The following MUC22 variants were observed in gnomAD, a reference collection of about 807,000 sequenced individuals.
MUC22 encodes the protein mucin-22.
In MUC22, 24 loss-of-function variants were observed where a neutral mutation model predicts 40.3. The ratio of observed to expected loss-of-function variants is 0.60; its 90% CI spans 0.43 to 0.84. The LOEUF (loss-of-function observed/expected upper bound fraction) is 0.84, where lower values mean the gene tolerates loss of function less well. MUC22 is among the 40% of genes least tolerant of loss of function. MUC22 has a pLI of 0.00. For missense variants in MUC22, 1,926 were observed against 2,130.7 expected (o/e 0.90, Z 1.89); for synonymous variants, 765 against 844.5 (o/e 0.91, Z 1.63).
intron 1 of MUC22, among the ~76,000 whole-genome samples, chr6:31,013,726 C>T (rs1764004538): frequency 6.6e-6 from 1 of 152,196 alleles, no homozygotes; most frequent in African/African-American, 2.4e-5. Flanking sequence ...TGCAGAGACA[C>T]CATCATAGCT....
At chr6:31,006,955 C>A (rs61112106), upstream of MUC22, among the ~76,000 whole-genome samples, 1 of 151,670 alleles carries the variant, frequency 6.6e-6, no homozygotes, top group African/African-American at 2.4e-5. Flanking sequence ...TCAACACCAG[C>A]CTGAGCAATA....
rs1765305504 is a variant in MUC22 at position 31,026,198 on chromosome 6, AGACCACTGTGGCCCCCG to A, written c.768_784del (p.Glu256AspfsTer5). On this transcript the variant is annotated frameshift_variant, in exon 2 of 4. Coordinates refer to ENST00000561890, the Ensembl canonical transcript of MUC22. LOFTEE classifies it high-confidence loss of function. ...ATCACGGCATCCAGCATGAGCTCTG[AGACCACTGTGGCCCCCG>A]CTGCAGGCTCTAACACCACCACAGC... is the stretch of plus-strand genomic sequence containing the variant. The A allele has an allele frequency of 2.0e-6, 3 of 1,521,914 alleles. No individual in the cohort carries two copies. The highest frequency in any genetic ancestry group is 4.0e-5 in the Admixed American group (2 of 50,378). 94.3% of individuals were successfully genotyped at this position (1,521,914 alleles called of 1,614,324 possible).
In MUC22 at chr6:31,032,984, G is replaced by A. The variant is rs1374565854; in HGVS notation, c.5055+403G>A. ...CATTTGAGACCAGCCTGGCCAACAT[G>A]GTGAAACTTGTCTTTACTAAAAATA... On this transcript the variant is annotated intron_variant, in intron 3 of 3. Coordinates refer to ENST00000561890, the Ensembl canonical transcript of MUC22. The surrounding 1 kb of genome is among the most constrained non-coding windows in gnomAD (Gnocchi z 4.1). Among the ~76,000 whole-genome samples the A allele has an allele frequency of 6.6e-6, 1 of 152,138 alleles. No homozygotes were observed. Among genetic ancestry groups the A allele is most frequent in the African/African-American group, 2.4e-5 (1 of 41,422 alleles).
upstream of MUC22, among the ~76,000 whole-genome samples, chr6:31,006,524 A>T (rs1763532518): frequency 6.6e-6 from 1 of 152,050 alleles, no homozygotes; most frequent in Non-Finnish European, 1.5e-5. Flanking sequence ...ATTTGTCAAA[A>T]CCCATAGAAT....
intron 1 of MUC22, among the ~76,000 whole-genome samples, chr6:31,020,876 C>T (rs1764656032): frequency 6.6e-6 from 1 of 152,236 alleles, no homozygotes; most frequent in Non-Finnish European, 1.5e-5. Flanking sequence ...CCAGTGGCTG[C>T]GGAGGGTGTA....
chr6:31,018,418 C>G (rs1273740042), intron 1 of MUC22, among the ~76,000 whole-genome samples: 1 of 152,214 alleles, frequency 6.6e-6, no homozygotes, highest in Admixed American at 6.5e-5. Context: ...AATTAATAAT[C>G]TACCAGTAGT....
Position 31,026,733 on chromosome 6 carries a change from G to A in MUC22, c.1302G>A (p.Ser434=), listed in dbSNP as rs753090268. 38 of 1,477,676 alleles carry A rather than the reference G, an allele frequency of 2.6e-5. 3 individuals are homozygous for A. Among genetic ancestry groups the A allele is most frequent in the South Asian group, 8.7e-5 (7 of 80,756 alleles). The allele number at this position is 1,477,676 out of a possible 1,614,324, so 91.5% of individuals were successfully genotyped here. Reference sequence around the variant, plus strand: ...TGACCACAGTCTTCACTGCAGGCTCGGAAACCATCACACCCTCTACTGCAG... The same window carrying A: ...TGACCACAGTCTTCACTGCAGGCTCAGAAACCATCACACCCTCTACTGCAG... The change falls in exon 2 of 4, where the codon TCG becomes TCA. Residue 434 remains serine, a synonymous_variant. Coordinates refer to ENST00000561890, the Ensembl canonical transcript of MUC22.
intron 2 of MUC22, 106 bp downstream of exon 2, chr6:31,030,206 G>A: frequency 7.9e-7 from 1 of 1,273,398 alleles, no homozygotes; most frequent in Non-Finnish European, 1.1e-6. Context: ...AGTCAAGCCA[G>A]CACACAGTTA....
chr6:31,022,092 C>T (rs1270347605), intron 1 of MUC22, among the ~76,000 whole-genome samples: 1 of 152,070 alleles, frequency 6.6e-6, no homozygotes, highest in Non-Finnish European at 1.5e-5. Flanking sequence ...CCAGCGAGAG[C>T]ACAAACCCAC....
At chr6:31,026,858 C>A in exon 2 of MUC22, 1 of 1,494,332 alleles carries the variant, frequency 6.7e-7, no homozygotes, top group Non-Finnish European at 9.0e-7. Flanking sequence ...CATTCTGAGA[C>A]GACTGCAGCC....
At chr6:31,020,441 C>CTTTTTTTTT (rs3084519) in intron 1 of MUC22, among the ~76,000 whole-genome samples, 10,647 of 125,832 alleles carry the variant, frequency 0.085, 700 homozygotes, top group East Asian at 0.23. Context: ...TGGAAATTGA[C>CTTTTTTTTT]TTTTTTTTTT....
At position 31,032,203 on chromosome 6, in the gene MUC22, A is replaced by C. The variant is rs1417866388; in HGVS notation, c.4677A>C (p.Arg1559Ser). The change falls in exon 3 of 4, where the codon AGA becomes AGC. Residue 1559 changes from arginine (R) to serine (S), a missense_variant. Physicochemically the swap from Arg to Ser is moderately radical, Grantham distance 110. Coordinates refer to ENST00000561890, the Ensembl canonical transcript of MUC22. This position sits in a 1 kb window ranked among gnomAD's most constrained non-coding sequence, Gnocchi z 4.1. ...GTGTGACCTGTTTCATAGGCACCAG[A>C]ACCACTGGAACCAGACTCACTGCCT... 6.5e-7 allele frequency: 1 copy of C among 1,533,582 alleles called. No individual in the cohort carries two copies. The highest frequency in any genetic ancestry group is 8.7e-7 in the Non-Finnish European group (1 of 1,145,882). 95.0% of individuals were successfully genotyped at this position (1,533,582 alleles called of 1,614,324 possible).
rs1260080130 is a variant in MUC22, at chr6:31,026,123, C to T, written c.692C>T (p.Ser231Phe). Residue 231 changes from serine to phenylalanine, a missense_variant, in exon 2 of 4, where the codon TCC becomes TTC. By Grantham distance (155) the Ser-to-Phe change is radical. This residue lies in a region of MUC22 where 1,281 missense variants were observed against 1,337.8 expected (regional missense o/e 0.96). Transcript: ENST00000561890. ...TCTGAGACCACCACTACCTCCACCTCCATGGCAGGCTCTGAGGCCACCACA... is the reference window on the plus strand; with the variant it reads ...TCTGAGACCACCACTACCTCCACCTTCATGGCAGGCTCTGAGGCCACCACA... The T allele has an allele frequency of 1.6e-5, 25 of 1,532,158 alleles. No individual in the cohort carries two copies. The East Asian group carries it at 5.4e-4, about 33-fold the overall frequency. The allele number at this position is 1,532,158 out of a possible 1,614,324, so 94.9% of individuals were successfully genotyped here.
intron 1 of MUC22, among the ~76,000 whole-genome samples, chr6:31,024,869 CTTT>C (rs10685711): frequency 4.4e-5 from 6 of 135,940 alleles, no homozygotes; most frequent in East Asian, 2.2e-4. Context: ...TTGCTGCCTT[CTTT>C]TTTTTTTTTT....
At chr6:31,016,266 C>G (rs993234453) in intron 1 of MUC22, among the ~76,000 whole-genome samples, 2 of 151,932 alleles carry the variant, frequency 1.3e-5, no homozygotes, top group African/African-American at 4.8e-5. Context: ...CTCTATATTT[C>G]AAGCTAGAGA....
At chr6:31,013,854 C>A (rs1764014452) in intron 1 of MUC22, among the ~76,000 whole-genome samples, 1 of 151,310 alleles carries the variant, frequency 6.6e-6, no homozygotes, top group African/African-American at 2.4e-5. Context: ...ACCATTACTT[C>A]TTTGTTGGTT....
intron 1 of MUC22, among the ~76,000 whole-genome samples, chr6:31,021,659 A>G (rs1372127445): frequency 2.0e-5 from 3 of 152,028 alleles, no homozygotes; most frequent in East Asian, 1.9e-4. Context: ...CTCTGTGTCC[A>G]TATTCTGTAT....
intron 1 of MUC22, among the ~76,000 whole-genome samples, chr6:31,022,450 CAAGACTGACATTTTTTTT>C (rs1278329845): frequency 6.7e-6 from 1 of 150,090 alleles, no homozygotes; most frequent in Non-Finnish European, 1.5e-5. Context: ...AATCGACAGG[CAAGACTGACATTTTTTTT>C]TAAATGTAAA....
rs908653102 is a variant in MUC22 at position 31,021,942 on chromosome 6, A to G, written c.71-3560A>G. Among the ~76,000 whole-genome samples the G allele has an allele frequency of 7.2e-5, 11 of 152,102 alleles. 1 individual carries two copies. The highest frequency in any genetic ancestry group is 1.9e-4 in the East Asian group (1 of 5,192). ...GGTCTACACTGTTTTTATGATCTGT[A>G]ACACTCACCGTAAAGGTCTGCAGCT... On this transcript the variant is annotated intron_variant, in intron 1 of 3. Coordinates refer to ENST00000561890, the Ensembl canonical transcript of MUC22.
Sources: gnomAD v4.1 joint callset for allele counts (sites outside exome capture counted in the v4.1 genomes callset) on GRCh38, gnomAD v4.1.1 for gene constraint, gnomAD v4.1.1 regional missense constraint, Gnocchi (gnomAD v3.1) non-coding constraint, MANE v1.5 for transcripts, NCBI Gene and HGNC (gene_info 2026-07-23, HGNC 2026-07-21) for gene names.